CTNNA2: variants seen among roughly 807,000 people sequenced by gnomAD.
The protein encoded by CTNNA2 is catenin alpha 2.
Under a neutral mutation model 101.0 loss-of-function variants are expected in CTNNA2, and 42 were observed. That is an observed-to-expected ratio of 0.42 (90% CI 0.32 to 0.54). The LOEUF is 0.54. Among genes scored for constraint, CTNNA2 ranks in the 20% least tolerant of loss-of-function variants. CTNNA2 has a pLI of 0.14. For missense variants in CTNNA2, 871 were observed against 1,223.1 expected (o/e 0.71, Z 4.29); for synonymous variants, 450 against 456.4 (o/e 0.99, Z 0.18).
intron 2 of CTNNA2, among the ~76,000 whole-genome samples, chr2:79,237,902 A>G (rs1044388752): frequency 2.0e-5 from 3 of 152,134 alleles, no homozygotes; most frequent in Non-Finnish European, 4.4e-5. Context: ...TATCCAGACC[A>G]CTAAAACTTT....
chr2:79,478,458 T>A (rs1251258417), intron 4 of CTNNA2, among the ~76,000 whole-genome samples: 2 of 152,198 alleles, frequency 1.3e-5, no homozygotes, highest in Non-Finnish European at 2.9e-5. Flanking sequence ...GAAAGGTGGC[T>A]AACTTCGTCG....
At chr2:80,458,429 T>C (rs1684161363) in intron 9 of CTNNA2, among the ~76,000 whole-genome samples, 1 of 152,128 alleles carries the variant, frequency 6.6e-6, no homozygotes, top group Non-Finnish European at 1.5e-5. Context: ...GACAAGTAAA[T>C]AAATTTATGT....
At chr2:79,621,453 G>A (rs2104290449) in intron 1 of CTNNA2, among the ~76,000 whole-genome samples, 1 of 152,234 alleles carries the variant, frequency 6.6e-6, no homozygotes, top group African/African-American at 2.4e-5. Context: ...ACATGTCAAA[G>A]GGACACAATT....
intron 5 of CTNNA2, among the ~76,000 whole-genome samples, chr2:79,873,048 T>C (rs1422582906): frequency 6.6e-6 from 1 of 152,232 alleles, no homozygotes; most frequent in Admixed American, 6.5e-5. Context: ...TTTTCTGTTC[T>C]CTAAACTTAA....
At chr2:79,536,790 C>A (rs1368364314) in intron 1 of CTNNA2, among the ~76,000 whole-genome samples, 1 of 73,070 alleles carries the variant, frequency 1.4e-5, no homozygotes, top group Non-Finnish European at 4.0e-5. Flanking sequence ...CAACCTCTAC[C>A]CCCCGGGTTC....
chr2:79,613,252 G>T (rs1027667163), intron 1 of CTNNA2, among the ~76,000 whole-genome samples: 12 of 151,768 alleles, frequency 7.9e-5, no homozygotes, highest in Non-Finnish European at 1.8e-4. Context: ...TCAACCTCAG[G>T]AAGTCATATC....
intron 7 of CTNNA2, among the ~76,000 whole-genome samples, chr2:80,238,328 C>A (rs560842681): frequency 6.6e-6 from 1 of 152,206 alleles, no homozygotes; most frequent in East Asian, 1.9e-4. Context: ...GACTTCCACT[C>A]TGCAGTTGTA....
intron 7 of CTNNA2, among the ~76,000 whole-genome samples, chr2:80,292,252 A>C (rs1558974475): frequency 6.6e-6 from 1 of 152,176 alleles, no homozygotes; most frequent in Non-Finnish European, 1.5e-5. Context: ...TCTCAGTAAC[A>C]ATGGGCTTAA....
intron 1 of CTNNA2, among the ~76,000 whole-genome samples, chr2:79,552,617 A>G (rs955326411): frequency 2.0e-5 from 3 of 152,060 alleles, no homozygotes; most frequent in African/African-American, 7.2e-5. Flanking sequence ...GGGCATTTCC[A>G]TTCATCCTCT....
At chr2:80,418,081 C>G (rs542757737) in intron 8 of CTNNA2, among the ~76,000 whole-genome samples, 23 of 152,242 alleles carry the variant, frequency 1.5e-4, no homozygotes, top group Admixed American at 1.4e-3. Context: ...TGATTCCACT[C>G]TAAATATCTT....
chr2:79,700,512 C>T (rs781126722), intron 2 of CTNNA2, among the ~76,000 whole-genome samples: 7 of 152,164 alleles, frequency 4.6e-5, no homozygotes, highest in Middle Eastern at 3.4e-3. Context: ...ACTTGACCCC[C>T]GCTGGGATCA....
At chr2:79,317,355 G>A (rs1056989537) in intron 3 of CTNNA2, among the ~76,000 whole-genome samples, 2 of 152,018 alleles carry the variant, frequency 1.3e-5, no homozygotes, top group African/African-American at 4.8e-5. Context: ...ACAGGTAGTG[G>A]TCCATAGTTT....
intron 11 of CTNNA2, among the ~76,000 whole-genome samples, chr2:80,554,277 A>G (rs1321164681): frequency 6.6e-6 from 1 of 152,192 alleles, no homozygotes; most frequent in Non-Finnish European, 1.5e-5. Context: ...ACTAGCCCTA[A>G]AAGCTTCTTA....
At chr2:79,867,272 A>G (rs749604582) in intron 4 of CTNNA2, among the ~76,000 whole-genome samples, 15 of 152,112 alleles carry the variant, frequency 9.9e-5, no homozygotes, top group South Asian at 6.2e-4. Flanking sequence ...TTAATTTTGA[A>G]TTGTCAATAT....
chr2:79,713,991 C>A (rs558176282), intron 2 of CTNNA2, among the ~76,000 whole-genome samples: 16 of 152,286 alleles, frequency 1.1e-4, no homozygotes, highest in Admixed American at 3.3e-4. Context: ...CTCCCTTCCT[C>A]TGGGTGATCC....
At chr2:79,346,852 A>G (rs940577504) in intron 3 of CTNNA2, among the ~76,000 whole-genome samples, 2 of 152,154 alleles carry the variant, frequency 1.3e-5, no homozygotes, top group East Asian at 1.9e-4. Flanking sequence ...CAAAGCCCCA[A>G]ATTTGCATAA....
At position 79,874,251 on chromosome 2, in the gene CTNNA2, T is replaced by C. The variant is rs1682826314; in HGVS notation, c.761T>C (p.Ile254Thr). 1 of 1,614,002 alleles carries C rather than the reference T, an allele frequency of 6.2e-7. No individual in the cohort carries two copies. The highest frequency in any genetic ancestry group is 8.5e-7 in the Non-Finnish European group (1 of 1,180,000). ...FKQVQEAIAG[I>T]SNAAQATSPT... ...CAAGTCCAGGAGGCCATCGCCGGCA[T>C]CTCCAATGCTGCTCAAGCTACCTCG... The change falls in exon 6 of 19, where the codon ATC (isoleucine) becomes ACC (threonine). Residue 254 changes from isoleucine (I) to threonine (T), a missense_variant. Coordinates refer to ENST00000402739, the MANE Select transcript of CTNNA2 (RefSeq NM_001282597.3).
intron 4 of CTNNA2, among the ~76,000 whole-genome samples, chr2:79,458,771 A>C (rs1326014174): frequency 6.6e-6 from 1 of 152,204 alleles, no homozygotes. Context: ...CATGCAACAA[A>C]TATAAAAATG....
At chr2:79,871,323 AGTATGTTTTTATCAGCAGAATT>A (rs1347507695) in intron 5 of CTNNA2, among the ~76,000 whole-genome samples, 17 of 152,312 alleles carry the variant, frequency 1.1e-4, no homozygotes, top group African/African-American at 4.1e-4. Flanking sequence ...GTTATTTTTA[AGTATGTTTTTATCAGCAGAATT>A]CCTTGTTGAA....
Sources: gnomAD v4.1 joint callset for allele counts (sites outside exome capture counted in the v4.1 genomes callset) on GRCh38, gnomAD v4.1.1 for gene constraint, MANE v1.5 for transcripts, NCBI Gene and HGNC (gene_info 2026-07-23, HGNC 2026-07-21) for gene names.